Variants in CFAP299 observed in about 807,000 individuals in gnomAD.
CFAP299 encodes cilia- and flagella-associated protein 299.
CFAP299 carries 21 observed loss-of-function variants against 27.0 expected under a neutral mutation model. The observed-to-expected ratio is 0.78, with a 90% CI of 0.55 to 1.12. The LOEUF is 1.12. Among genes scored for constraint, CFAP299 ranks in the 50% most tolerant of loss-of-function variants. The pLI is 0.00. For missense variants in CFAP299, 310 were observed against 276.6 expected (o/e 1.12, Z -0.86); for synonymous variants, 104 against 98.1 (o/e 1.06, Z -0.36).
intron 3 of CFAP299, among the ~76,000 whole-genome samples, chr4:80,731,013 T>C (rs1467104664): frequency 1.3e-5 from 2 of 152,194 alleles, no homozygotes; most frequent in Admixed American, 1.3e-4. Flanking sequence ...CTACTATTTT[T>C]GCAATATCTT....
chr4:80,916,133 G>T (rs958040186), intron 4 of CFAP299, among the ~76,000 whole-genome samples: 1 of 150,144 alleles, frequency 6.7e-6, no homozygotes, highest in Admixed American at 6.7e-5. Flanking sequence ...GTGTTGGTGG[G>T]TGCCTGTAAT....
chr4:80,962,878 A>T (rs1738414628), intron 5 of CFAP299, among the ~76,000 whole-genome samples: 2 of 151,888 alleles, frequency 1.3e-5, no homozygotes, highest in Non-Finnish European at 2.9e-5. Flanking sequence ...GCTTTACCTA[A>T]ACTTCTTTCT....
chr4:80,327,818 A>T, the CFAP299 span, among the ~76,000 whole-genome samples: 3 of 139,236 alleles, frequency 2.2e-5, no homozygotes, highest in Non-Finnish European at 4.7e-5. Flanking sequence ...GTTATAAATT[A>T]GAAGAGGTGT....
intron 3 of CFAP299, among the ~76,000 whole-genome samples, chr4:80,728,975 CAA>C (rs2110053218): frequency 6.6e-6 from 1 of 152,234 alleles, no homozygotes; most frequent in South Asian, 2.1e-4. Flanking sequence ...CTGCAAACAA[CAA>C]AAAGAGATCC....
intron 2 of CFAP299, among the ~76,000 whole-genome samples, chr4:80,409,343 G>T (rs1159769261): frequency 6.6e-6 from 1 of 152,058 alleles, no homozygotes; most frequent in Admixed American, 6.6e-5. Context: ...TTTGTAATAT[G>T]TAGTATTATA....
intron 3 of CFAP299, among the ~76,000 whole-genome samples, chr4:80,616,255 A>G (rs189705758): frequency 3.9e-5 from 6 of 152,154 alleles, no homozygotes; most frequent in Admixed American, 3.9e-4. Flanking sequence ...GTTTGCTCCA[A>G]AATATGCAAA....
At chr4:80,401,576 CAGA>C (rs2110050153) in intron 2 of CFAP299, among the ~76,000 whole-genome samples, 1 of 152,296 alleles carries the variant, frequency 6.6e-6, no homozygotes, top group Admixed American at 6.5e-5. Flanking sequence ...ACGTGGATTT[CAGA>C]AGATGTATGA....
At chr4:80,939,885 G>A (rs1737104292) in intron 4 of CFAP299, among the ~76,000 whole-genome samples, 1 of 152,102 alleles carries the variant, frequency 6.6e-6, no homozygotes, top group Non-Finnish European at 1.5e-5. Flanking sequence ...CTATGAGGAA[G>A]TCCTGGGATT....
intron 2 of CFAP299, among the ~76,000 whole-genome samples, chr4:80,500,888 C>T (rs890801575): frequency 1.3e-5 from 2 of 152,096 alleles, no homozygotes; most frequent in Admixed American, 1.3e-4. Context: ...TGCCTACGTG[C>T]TCAGTGTGGC....
intron 2 of CFAP299, among the ~76,000 whole-genome samples, chr4:80,413,571 G>A (rs777114841): frequency 4.6e-5 from 7 of 152,084 alleles, no homozygotes; most frequent in Non-Finnish European, 1.0e-4. Context: ...GAAACTGGAG[G>A]AACTATAGAG....
intron 4 of CFAP299, among the ~76,000 whole-genome samples, chr4:80,903,274 A>G (rs1002166462): frequency 1.3e-5 from 2 of 152,008 alleles, no homozygotes; most frequent in Non-Finnish European, 2.9e-5. Flanking sequence ...CTCAGGAGAG[A>G]TTTTTCCTGT....
intron 3 of CFAP299, among the ~76,000 whole-genome samples, chr4:80,586,013 AT>A (rs1736417498): frequency 6.6e-6 from 1 of 152,102 alleles, no homozygotes; most frequent in Non-Finnish European, 1.5e-5. Context: ...GCTTTAGAGG[AT>A]TTAGTATAGT....
chr4:80,950,847 G>GGTGTA (rs1056960813), intron 5 of CFAP299, among the ~76,000 whole-genome samples: 7 of 152,148 alleles, frequency 4.6e-5, no homozygotes, highest in Admixed American at 3.3e-4. Context: ...TTGAGACAAA[G>GGTGTA]GTGTAGGAAG....
At chr4:80,480,430 T>C (rs1009617695) in intron 2 of CFAP299, among the ~76,000 whole-genome samples, 4 of 152,038 alleles carry the variant, frequency 2.6e-5, no homozygotes, top group African/African-American at 7.2e-5. Flanking sequence ...ATTACAGTTA[T>C]ACAGTTGTCT....
intron 2 of CFAP299, among the ~76,000 whole-genome samples, chr4:80,470,141 T>C (rs1184431818): frequency 6.6e-6 from 1 of 152,164 alleles, no homozygotes; most frequent in Non-Finnish European, 1.5e-5. Context: ...CACTAGACAG[T>C]ATTCAGGAAA....
chr4:80,800,331 AATATATATAATATATAAT>A (rs1156690488), intron 3 of CFAP299, among the ~76,000 whole-genome samples: 1 of 68,900 alleles, frequency 1.5e-5, no homozygotes, highest in Non-Finnish European at 2.4e-5. Context: ...CATTAATATT[AATATATATAATATATAAT>A]ATATATGATA....
chr4:80,418,757 G>A (rs1457501880), intron 2 of CFAP299, among the ~76,000 whole-genome samples: 1 of 152,144 alleles, frequency 6.6e-6, no homozygotes, highest in African/African-American at 2.4e-5. Flanking sequence ...TTGTCCGTAC[G>A]TATTGGGCTT....
chr4:80,700,269 A>G (rs1578035813), intron 3 of CFAP299, among the ~76,000 whole-genome samples: 1 of 152,242 alleles, frequency 6.6e-6, no homozygotes, highest in South Asian at 2.1e-4. Context: ...ATTAATAGTA[A>G]TTACTTCATA....
At chr4:80,376,947 AT>A (rs1469705889) in intron 2 of CFAP299, among the ~76,000 whole-genome samples, 1 of 152,116 alleles carries the variant, frequency 6.6e-6, no homozygotes, top group Non-Finnish European at 1.5e-5. Context: ...CTTATTTTCC[AT>A]GCATATCTCT....
Sources: gnomAD v4.1 joint callset for allele counts (sites outside exome capture counted in the v4.1 genomes callset) on GRCh38, gnomAD v4.1.1 for gene constraint, MANE v1.5 for transcripts, NCBI Gene and HGNC (gene_info 2026-07-23, HGNC 2026-07-21) for gene names.